The following GALNT13 variants were observed in gnomAD, a reference collection of about 807,000 sequenced individuals.
GALNT13 encodes the protein UDP-GalNAc:polypeptide N-acetylgalactosaminyltransferase 13.
GALNT13 carries 28 observed loss-of-function variants against 64.2 expected under a neutral mutation model. The ratio of observed to expected loss-of-function variants is 0.44; its 90% CI spans 0.32 to 0.60. The LOEUF (loss-of-function observed/expected upper bound fraction) is 0.60, where lower values mean the gene tolerates loss of function less well. Among genes scored for constraint, GALNT13 ranks in the 20% least tolerant of loss-of-function variants. GALNT13 has a pLI of 0.05. For missense variants in GALNT13, 577 were observed against 669.8 expected (o/e 0.86, Z 1.53); for synonymous variants, 214 against 224.6 (o/e 0.95, Z 0.42).
chr2:153,601,547 C>T, the GALNT13 span, among the ~76,000 whole-genome samples: 1 of 150,938 alleles, frequency 6.6e-6, no homozygotes, highest in Non-Finnish European at 1.5e-5. Context: ...CCTTTCGTTT[C>T]ATGTCAGATG....
At chr2:154,313,268 A>G (rs1694146553) in intron 9 of GALNT13, among the ~76,000 whole-genome samples, 1 of 148,234 alleles carries the variant, frequency 6.7e-6, no homozygotes, top group Non-Finnish European at 1.5e-5. Context: ...ATACACACAC[A>G]CTAGAACTTA....
the GALNT13 span, among the ~76,000 whole-genome samples, chr2:153,727,657 G>A: frequency 2.0e-5 from 3 of 151,868 alleles, no homozygotes; most frequent in Non-Finnish European, 4.4e-5. Flanking sequence ...GCTATATTTT[G>A]GGTGTATAAA....
At chr2:153,447,716 C>T in the GALNT13 span, among the ~76,000 whole-genome samples, 1 of 152,098 alleles carries the variant, frequency 6.6e-6, no homozygotes, top group South Asian at 2.1e-4. Flanking sequence ...TAGATTGTTT[C>T]TAATTTGTAA....
At chr2:154,071,947 G>A (rs1477055099) in intron 3 of GALNT13, among the ~76,000 whole-genome samples, 1 of 152,084 alleles carries the variant, frequency 6.6e-6, no homozygotes, top group Non-Finnish European at 1.5e-5. Context: ...GAAAATATGA[G>A]TGTTAGACAA....
chr2:153,334,612 C>A, the GALNT13 span, among the ~76,000 whole-genome samples: 1 of 151,760 alleles, frequency 6.6e-6, no homozygotes, highest in South Asian at 2.1e-4. Context: ...TAGAACCAAA[C>A]CGAAATTTTA....
chr2:153,924,429 A>G (rs972307207), intron 2 of GALNT13, among the ~76,000 whole-genome samples: 2 of 152,170 alleles, frequency 1.3e-5, no homozygotes, highest in Admixed American at 6.6e-5. Flanking sequence ...CATGGTGTAT[A>G]TATACCACAT....
At chr2:153,846,903 C>T in the GALNT13 span, among the ~76,000 whole-genome samples, 2 of 151,956 alleles carry the variant, frequency 1.3e-5, no homozygotes, top group Non-Finnish European at 2.9e-5. Context: ...AATCAGATAA[C>T]CTGAAGAGGT....
At chr2:154,279,442 A>G (rs1480439590) in intron 8 of GALNT13, among the ~76,000 whole-genome samples, 2 of 152,156 alleles carry the variant, frequency 1.3e-5, no homozygotes, top group African/African-American at 2.4e-5. Flanking sequence ...GATCTCAAGG[A>G]AAGTGGAGGC....
At chr2:153,560,839 T>C in the GALNT13 span, among the ~76,000 whole-genome samples, 1 of 152,074 alleles carries the variant, frequency 6.6e-6, no homozygotes, top group African/African-American at 2.4e-5. Context: ...CCAACTTGTC[T>C]TGTTCCAAGG....
intron 7 of GALNT13, among the ~76,000 whole-genome samples, chr2:154,251,981 G>T (rs948858601): frequency 6.6e-6 from 1 of 151,884 alleles, no homozygotes; most frequent in Non-Finnish European, 1.5e-5. Context: ...ATTTGTAAAT[G>T]TAAAAAAAAC....
At chr2:153,758,163 C>T in the GALNT13 span, among the ~76,000 whole-genome samples, 1 of 152,110 alleles carries the variant, frequency 6.6e-6, no homozygotes, top group Non-Finnish European at 1.5e-5. Context: ...TTGTATATGG[C>T]ATGAGATGAG....
the GALNT13 span, among the ~76,000 whole-genome samples, chr2:153,595,417 G>T: frequency 6.6e-6 from 1 of 151,650 alleles, no homozygotes; most frequent in Non-Finnish European, 1.5e-5. Flanking sequence ...AAGGCACTCA[G>T]TTTGTATAAT....
At chr2:153,560,315 A>G in the GALNT13 span, among the ~76,000 whole-genome samples, 329 of 152,196 alleles carry the variant, frequency 2.2e-3, 3 homozygotes, top group African/African-American at 7.7e-3. Context: ...TTTATATTTG[A>G]ATGTAAAATT....
the GALNT13 span, among the ~76,000 whole-genome samples, chr2:153,359,935 C>T: frequency 5.3e-5 from 8 of 152,154 alleles, no homozygotes; most frequent in African/African-American, 1.7e-4. Flanking sequence ...TCAAAAGCCT[C>T]GTTATAGGTT....
the GALNT13 span, among the ~76,000 whole-genome samples, chr2:153,749,187 A>T: frequency 6.6e-6 from 1 of 152,026 alleles, no homozygotes; most frequent in South Asian, 2.1e-4. Flanking sequence ...CCATTGGTCT[A>T]TGTGTCTGTT....
chr2:153,465,526 T>C, the GALNT13 span, among the ~76,000 whole-genome samples: 1 of 151,508 alleles, frequency 6.6e-6, no homozygotes. Context: ...CATTATCACC[T>C]TTTACTCATA....
chr2:154,032,781 A>G, intron 3 of GALNT13, among the ~76,000 whole-genome samples: 1 of 151,898 alleles, frequency 6.6e-6, no homozygotes, highest in Middle Eastern at 3.4e-3. Context: ...CTTATTATAG[A>G]AATAACTGGC....
the GALNT13 span, among the ~76,000 whole-genome samples, chr2:153,565,028 G>A: frequency 6.6e-6 from 1 of 152,056 alleles, no homozygotes; most frequent in Admixed American, 6.6e-5. Flanking sequence ...AAGCTGAATG[G>A]GCTTAGGATG....
At chr2:153,109,528 A>G in the GALNT13 span, among the ~76,000 whole-genome samples, 103 of 152,268 alleles carry the variant, frequency 6.8e-4, no homozygotes, top group Non-Finnish European at 6.3e-4. Flanking sequence ...CTGAAGTTCT[A>G]CTAGTAGTAG....
Sources: gnomAD v4.1 joint callset for allele counts (sites outside exome capture counted in the v4.1 genomes callset) on GRCh38, gnomAD v4.1.1 for gene constraint, MANE v1.5 for transcripts, NCBI Gene and HGNC (gene_info 2026-07-23, HGNC 2026-07-21) for gene names.